SCN2A: variants seen among roughly 807,000 people sequenced by gnomAD.
The protein encoded by SCN2A is sodium voltage-gated channel alpha subunit 2.
Under a neutral mutation model 188.7 loss-of-function variants are expected in SCN2A, and 20 were observed. That is an observed-to-expected ratio of 0.11 (90% CI 0.07 to 0.15). The LOEUF is 0.15. SCN2A is among the 10% of genes least tolerant of loss of function. The probability of loss-of-function intolerance (pLI) is 1.00; values close to 1 mark genes in which losing one functional copy is unlikely to be tolerated. For synonymous variants in SCN2A, 804 were observed against 833.1 expected, an observed-to-expected ratio of 0.97 and a Z score of 0.60; for missense variants, 1,278 against 2,445.0, an observed-to-expected ratio of 0.52 and a Z score of 10.07.
At chr2:165,380,801 C>T in intron 24 of SCN2A, 72 bp downstream of exon 24, 1 of 1,204,228 alleles carries the variant, frequency 8.3e-7, no homozygotes, top group Non-Finnish European at 1.2e-6. Flanking sequence ...CTTTAGCCTC[C>T]AAAATGCAAT....
intron 7 of SCN2A, among the ~76,000 whole-genome samples, chr2:165,311,395 C>G (rs923563070): frequency 6.6e-5 from 10 of 152,012 alleles, no homozygotes; most frequent in Non-Finnish European, 1.5e-5. Context: ...AGATAGCTCT[C>G]CATAGCTTAA....
intron 1 of SCN2A, among the ~76,000 whole-genome samples, chr2:165,248,730 G>T (rs960539846): frequency 6.6e-6 from 1 of 152,000 alleles, no homozygotes; most frequent in Non-Finnish European, 1.5e-5. Context: ...AGCCCCAAAT[G>T]GGCAGAGATT....
chr2:165,240,103 A>G (rs773430176), intron 1 of SCN2A: 1 of 152,192 alleles, frequency 6.6e-6, no homozygotes, highest in East Asian at 1.9e-4. Context: ...TCTGCTGGCT[A>G]TGATGGTACA....
At chr2:165,288,137 T>C (rs168479) in intron 1 of SCN2A, among the ~76,000 whole-genome samples, 27,452 of 152,116 alleles carry the variant, frequency 0.18, 2,702 homozygotes, top group Middle Eastern at 0.28. Context: ...GCATTTGTAT[T>C]GATTTGTGTC....
At chr2:165,249,504 T>C (rs1380358584) in intron 1 of SCN2A, among the ~76,000 whole-genome samples, 1 of 152,044 alleles carries the variant, frequency 6.6e-6, no homozygotes, top group Non-Finnish European at 1.5e-5. Flanking sequence ...CTTGGAAATG[T>C]TTTGTTTTTA....
intron 16 of SCN2A, among the ~76,000 whole-genome samples, chr2:165,349,587 AT>A (rs1179251619): frequency 2.0e-5 from 3 of 152,198 alleles, no homozygotes; most frequent in Non-Finnish European, 4.4e-5. Flanking sequence ...ATTAATTTAG[AT>A]TGTGATGTAT....
chr2:165,266,339 T>C (rs1694861439), intron 1 of SCN2A: 1 of 152,118 alleles, frequency 6.6e-6, no homozygotes, highest in Non-Finnish European at 1.5e-5. Context: ...ATTTTAGTCT[T>C]CTTCTTTCTC....
At position 165,297,153 on chromosome 2, in the gene SCN2A, G is replaced by T. The variant is rs576015065; in HGVS notation, c.386+18G>T. 7.3e-7 allele frequency: 1 copy of T among 1,368,236 alleles called. No homozygotes were observed. The allele number at this position is 1,368,236 out of a possible 1,614,324, so 84.8% of individuals were successfully genotyped here. A position where few individuals can be genotyped will look rare whatever the true frequency, so the allele number is the denominator to read the frequency against. ...GTACATTCATATCCTTTTTCAAATC[G>T]TCACTTAATATGATTTTCTTCTTTG... On this transcript the variant is annotated intron_variant, in intron 3 of 26. Transcript: ENST00000375437.
chr2:165,388,558 G>A, intron 26 of SCN2A, 71 bp from the exon 27 acceptor site: 1 of 1,598,792 alleles, frequency 6.3e-7, no homozygotes, highest in Non-Finnish European at 8.6e-7. Context: ...TAAAACTAAT[G>A]TACTTATGTA....
intron 21 of SCN2A, 45 bp downstream of exon 21, chr2:165,373,392 C>G (rs371615528): frequency 6.2e-7 from 1 of 1,605,810 alleles, no homozygotes; most frequent in Non-Finnish European, 8.5e-7. Context: ...TTATTGAGAG[C>G]AGACTGACAC....
intron 1 of SCN2A, among the ~76,000 whole-genome samples, chr2:165,265,709 A>G (rs1217310025): frequency 6.6e-6 from 1 of 151,024 alleles, no homozygotes; most frequent in Non-Finnish European, 1.5e-5. Flanking sequence ...ACAACACAGT[A>G]TTCTTTCTTA....
chr2:165,350,494 A>G (rs1699841428), intron 16 of SCN2A, among the ~76,000 whole-genome samples: 2 of 76,662 alleles, frequency 2.6e-5, no homozygotes, highest in Non-Finnish European at 4.6e-5. Flanking sequence ...TTTTTTTGAG[A>G]CGGAGTCTCG....
chr2:165,273,043 C>T (rs1415678148), intron 1 of SCN2A: 3 of 152,030 alleles, frequency 2.0e-5, no homozygotes, highest in Non-Finnish European at 4.4e-5. Flanking sequence ...GCAATTGTAA[C>T]AAAGTCATTG....
chr2:165,275,845 C>G (rs1695313283), intron 1 of SCN2A, among the ~76,000 whole-genome samples: 1 of 152,056 alleles, frequency 6.6e-6, no homozygotes, highest in African/African-American at 2.4e-5. Flanking sequence ...AGCAATTCTC[C>G]TGCGTCAGCC....
intron 22 of SCN2A, 28 bp downstream of exon 22, chr2:165,374,994 G>A: frequency 6.3e-7 from 1 of 1,597,554 alleles, no homozygotes; most frequent in Non-Finnish European, 8.6e-7. Flanking sequence ...TATTTTCCAT[G>A]ATGTGTAATT....
chr2:165,349,888 A>C (rs1699797408), intron 16 of SCN2A, among the ~76,000 whole-genome samples: 1 of 152,204 alleles, frequency 6.6e-6, no homozygotes, highest in African/African-American at 2.4e-5. Context: ...TTCTCACTGG[A>C]AAAATGGGAA....
chr2:165,311,579 C>T (rs1012452447), intron 7 of SCN2A, among the ~76,000 whole-genome samples: 109 of 151,916 alleles, frequency 7.2e-4, no homozygotes, highest in African/African-American at 2.2e-3. Flanking sequence ...TTAAAATTGG[C>T]GGGAAAAAAT....
intron 2 of SCN2A, chr2:165,296,384 G>T: frequency 2.7e-6 from 1 of 366,778 alleles, no homozygotes; most frequent in Admixed American, 4.2e-5. Flanking sequence ...GCTTAAACCA[G>T]TGTAAATTGA....
chr2:165,253,365 A>G (rs1013365490), intron 1 of SCN2A, among the ~76,000 whole-genome samples: 11 of 152,200 alleles, frequency 7.2e-5, no homozygotes, highest in African/African-American at 2.6e-4. Flanking sequence ...TACCAGATTG[A>G]TTTGTGATAA....
Sources: gnomAD v4.1 joint callset for allele counts (sites outside exome capture counted in the v4.1 genomes callset) on GRCh38, gnomAD v4.1.1 for gene constraint, MANE v1.5 for transcripts, NCBI Gene and HGNC (gene_info 2026-07-23, HGNC 2026-07-21) for gene names.